GPC4: variants seen among roughly 807,000 people sequenced by gnomAD.
GPC4 encodes the protein glypican-4.
In GPC4, 10 loss-of-function variants were observed where a neutral mutation model predicts 35.0. The ratio of observed to expected loss-of-function variants is 0.29; its 90% CI spans 0.18 to 0.48. The LOEUF (loss-of-function observed/expected upper bound fraction) is 0.48, where lower values mean the gene tolerates loss of function less well. GPC4 is among the 20% of genes least tolerant of loss of function. GPC4 has a pLI of 0.99. For missense variants in GPC4, 322 were observed against 451.3 expected (o/e 0.71, Z 2.60); for synonymous variants, 167 against 170.2 (o/e 0.98, Z 0.15).
chrX:133,355,092 T>C (rs1250211242), intron 1 of GPC4, among the ~76,000 whole-genome samples: 2 of 112,249 alleles, frequency 1.8e-5, no homozygotes, highest in Admixed American at 9.5e-5. Flanking sequence ...GAATGAGTTC[T>C]ACCAGGCTAT....
intron 3 of GPC4, among the ~76,000 whole-genome samples, 195 bp downstream of exon 3, chrX:133,323,950 C>T (rs1327965864): frequency 8.9e-6 from 1 of 111,747 alleles, no homozygotes; most frequent in Non-Finnish European, 1.9e-5. Context: ...AGATTCTGAT[C>T]ACAGTATTGT....
chrX:133,404,650 T>A (rs1444171037), intron 1 of GPC4, among the ~76,000 whole-genome samples: 1 of 106,268 alleles, frequency 9.4e-6, no homozygotes, highest in Non-Finnish European at 1.9e-5. Flanking sequence ...AGGCCAGGAG[T>A]TCGAGACCAG....
chrX:133,319,242 G>A (rs576568127), intron 3 of GPC4, among the ~76,000 whole-genome samples: 4 of 108,894 alleles, frequency 3.7e-5, no homozygotes, highest in East Asian at 2.9e-4. Context: ...CCAGGAATTC[G>A]AGACCAGCCT....
rs185566230 is a variant in GPC4 at position 133,308,171 on chromosome X, C to T, written c.878-2017G>A. 4.6e-3 allele frequency among the ~76,000 whole-genome samples: 518 copies of T among 112,116 alleles called. 2 individuals are homozygous for T. Among genetic ancestry groups the T allele is most frequent in the South Asian group, 0.01 (27 of 2,668 alleles). On this transcript the variant is annotated intron_variant, in intron 4 of 8. Transcript: ENST00000370828. Reference sequence around the variant, plus strand: ...AGCAGCCAGCCCTGATAAGAAGCCTCAAGAGAAAGCCAAAGATGATTGGTT... The same window carrying T: ...AGCAGCCAGCCCTGATAAGAAGCCTTAAGAGAAAGCCAAAGATGATTGGTT...
chrX:133,360,302 T>C (rs774741069), intron 1 of GPC4, among the ~76,000 whole-genome samples: 3 of 112,042 alleles, frequency 2.7e-5, no homozygotes, highest in South Asian at 7.5e-4. Flanking sequence ...ATTTGCTTTA[T>C]AAGAGGTTAT....
chrX:133,315,502 G>A (rs2068334188), intron 3 of GPC4, among the ~76,000 whole-genome samples: 1 of 110,518 alleles, frequency 9.0e-6, no homozygotes, highest in Non-Finnish European at 1.9e-5. Flanking sequence ...TTGTTCTGGG[G>A]CTTTATTCAT....
At chrX:133,341,737 G>C (rs1428271082) in intron 1 of GPC4, among the ~76,000 whole-genome samples, 1 of 111,142 alleles carries the variant, frequency 9.0e-6, no homozygotes, top group Non-Finnish European at 1.9e-5. Flanking sequence ...AAAATACTAA[G>C]AGACAGCAGG....
At chrX:133,321,231 G>A (rs111448650) in intron 3 of GPC4, among the ~76,000 whole-genome samples, 1,554 of 111,859 alleles carry the variant, frequency 0.014, 25 homozygotes, top group African/African-American at 0.047. Context: ...TTACTTCCCC[G>A]TAACCTGGGA....
intron 3 of GPC4, among the ~76,000 whole-genome samples, chrX:133,317,307 T>C (rs2124114280): frequency 8.9e-6 from 1 of 111,783 alleles, no homozygotes; most frequent in Non-Finnish European, 1.9e-5. Context: ...ATTAAAACTC[T>C]TTTAAAAATA....
chrX:133,396,208 A>G (rs1237681397), intron 1 of GPC4, among the ~76,000 whole-genome samples: 1 of 112,062 alleles, frequency 8.9e-6, no homozygotes, highest in Non-Finnish European at 1.9e-5. Flanking sequence ...TTTCAACAAC[A>G]GCATACACTA....
intron 1 of GPC4, among the ~76,000 whole-genome samples, chrX:133,399,616 C>G (rs2068759829): frequency 8.9e-6 from 1 of 112,064 alleles, no homozygotes; most frequent in Admixed American, 9.5e-5. Context: ...CAATCAGGGC[C>G]CAGCTGAGTC....
intron 1 of GPC4, among the ~76,000 whole-genome samples, chrX:133,354,556 A>ATTTTTTT (rs1569348986): frequency 5.5e-5 from 5 of 91,326 alleles, no homozygotes; most frequent in African/African-American, 2.6e-4. Flanking sequence ...TTATTTATTT[A>ATTTTTTT]TTTATTTATT....
At chrX:133,313,332 G>C (rs1051324384) in intron 3 of GPC4, among the ~76,000 whole-genome samples, 8 of 112,768 alleles carry the variant, frequency 7.1e-5, no homozygotes, top group Admixed American at 6.5e-4. Context: ...ACAATAAAAT[G>C]GTAATTGTAT....
At chrX:133,381,135 AG>A (rs1245508337) in intron 1 of GPC4, among the ~76,000 whole-genome samples, 3 of 111,917 alleles carry the variant, frequency 2.7e-5, no homozygotes, top group Admixed American at 9.5e-5. Context: ...AACCGGGGTC[AG>A]TGGGCCCCAG....
intron 3 of GPC4, among the ~76,000 whole-genome samples, chrX:133,316,171 A>G (rs777116045): frequency 8.9e-6 from 1 of 112,041 alleles, no homozygotes; most frequent in South Asian, 3.7e-4. Context: ...TGATACATTT[A>G]CACAGTATTT....
chrX:133,392,094 G>A (rs2068722351), intron 1 of GPC4, among the ~76,000 whole-genome samples: 1 of 108,528 alleles, frequency 9.2e-6, no homozygotes, highest in South Asian at 4.1e-4. Context: ...TTAGCTGGGC[G>A]TGGTGGTGCA....
chrX:133,378,240 C>T (rs2068644076), intron 1 of GPC4, among the ~76,000 whole-genome samples: 1 of 111,424 alleles, frequency 9.0e-6, no homozygotes, highest in South Asian at 3.8e-4. Flanking sequence ...GCCATCACCA[C>T]AAGCGTTAAT....
At chrX:133,362,580 C>T (rs763610194) in intron 1 of GPC4, among the ~76,000 whole-genome samples, 1 of 111,417 alleles carries the variant, frequency 9.0e-6, no homozygotes, top group South Asian at 3.8e-4. Context: ...TAGAACAATG[C>T]CTTCTTAACA....
chrX:133,311,971 G>A (rs1047833035), intron 3 of GPC4, among the ~76,000 whole-genome samples: 5 of 111,734 alleles, frequency 4.5e-5, no homozygotes, highest in Non-Finnish European at 7.5e-5. Flanking sequence ...TCTGTTCTGT[G>A]CCAAGAGCTG....
Sources: gnomAD v4.1 joint callset for allele counts (sites outside exome capture counted in the v4.1 genomes callset) on GRCh38, gnomAD v4.1.1 for gene constraint, MANE v1.5 for transcripts, NCBI Gene and HGNC (gene_info 2026-07-23, HGNC 2026-07-21) for gene names.